The following ARFGEF2 variants were observed in gnomAD, a reference collection of about 807,000 sequenced individuals.
The protein encoded by ARFGEF2 is brefeldin A-inhibited guanine nucleotide-exchange protein 2.
In ARFGEF2, 74 loss-of-function variants were observed where a neutral mutation model predicts 219.9. That is an observed-to-expected ratio of 0.34 (90% confidence interval 0.28 to 0.41). The LOEUF (loss-of-function observed/expected upper bound fraction) is 0.41, where lower values mean the gene tolerates loss of function less well. Ranked by LOEUF, ARFGEF2 falls within the 10% of genes least tolerant of loss-of-function variation. The pLI is 1.00. For missense variants in ARFGEF2, 1,743 were observed against 2,218.3 expected (o/e 0.79, Z 4.30); for synonymous variants, 733 against 799.2 (o/e 0.92, Z 1.40).
chr20:48,963,643 T>G (rs938232627), intron 6 of ARFGEF2, among the ~76,000 whole-genome samples, 187 bp from the exon 7 acceptor site: 1 of 152,222 alleles, frequency 6.6e-6, no homozygotes, highest in African/African-American at 2.4e-5. Flanking sequence ...GCAGAACAGA[T>G]GCTGCCTAAG....
intron 34 of ARFGEF2, among the ~76,000 whole-genome samples, chr20:49,022,221 C>T (rs574363617): frequency 6.7e-6 from 1 of 150,258 alleles, no homozygotes; most frequent in Non-Finnish European, 1.5e-5. Flanking sequence ...GAATAAAAGA[C>T]CACTCTTAAG....
Position 49,018,897 on chromosome 20 carries a change from A to G in ARFGEF2, c.4523A>G (p.Asp1508Gly). ...GTTTACATTTAGGATGTGGATCTGG[A>G]CCGCCAGTCTTTAAGCAGCATAGAT... ...SSEKHLDVDL[D>G]RQSLSSIDKN... The change falls in exon 34 of 39, where the codon GAC becomes GGC. Residue 1508 changes from aspartate to glycine, a missense_variant. Asp to Gly is a moderately conservative substitution (Grantham distance 94, BLOSUM62 -1). Around this residue, in one of 5 missense-constraint regions of ARFGEF2, gnomAD observed 578 missense variants for 664.0 expected, o/e 0.87. Coordinates refer to ENST00000371917, the MANE Select transcript of ARFGEF2 (RefSeq NM_006420.3). 1 of 1,613,854 alleles carries G rather than the reference A, an allele frequency of 6.2e-7. No individual in the cohort carries two copies. The highest frequency in any genetic ancestry group is 2.2e-5 in the East Asian group (1 of 44,880).
At chr20:48,992,365 CTG>C (rs763479071) in intron 21 of ARFGEF2, among the ~76,000 whole-genome samples, 1 of 151,962 alleles carries the variant, frequency 6.6e-6, no homozygotes, top group Non-Finnish European at 1.5e-5. Flanking sequence ...AGAGAGAAAA[CTG>C]TGAAAGAATA....
chr20:49,033,882 A>G lies in ARFGEF2; in HGVS notation c.*683A>G, dbSNP rs569973767. 9.2e-5 allele frequency: 14 copies of G among 152,614 alleles called. No homozygotes were observed. In the East Asian group the frequency reaches 1.9e-3, roughly 21 times the overall value. 9.5% of individuals were successfully genotyped at this position (152,614 alleles called of 1,614,324 possible). A position where few individuals can be genotyped will look rare whatever the true frequency, so the allele number is the denominator to read the frequency against. ...GAGGTTAAAAAAATGTGCCTCGTGG[A>G]TCTCCCTGTTTTAGTAACATGGAGA... is the stretch of plus-strand genomic sequence containing the variant. On this transcript the variant is annotated 3_prime_UTR_variant, in exon 39 of 39. Coordinates refer to ENST00000371917, the MANE Select transcript of ARFGEF2 (RefSeq NM_006420.3).
rs535803345 is a variant in ARFGEF2 at position 48,957,513 on chromosome 20, G to A, written c.838+3723G>A. 3.1e-3 allele frequency among the ~76,000 whole-genome samples: 476 copies of A among 152,326 alleles called. 2 individuals are homozygous for A. The highest frequency in any genetic ancestry group is 0.011 in the African/African-American group (462 of 41,564). On this transcript the variant is annotated intron_variant, in intron 6 of 38. Transcript: ENST00000371917. ...AGGGTCTGGTGCCTAATCAGTAGTG[G>A]TGGTGATATCCCAGGGAAGAGCAGA...
intron 34 of ARFGEF2, among the ~76,000 whole-genome samples, chr20:49,019,911 A>C (rs1315912200): frequency 6.6e-6 from 1 of 152,102 alleles, no homozygotes; most frequent in East Asian, 1.9e-4. Context: ...TTTTTGCCAA[A>C]TTGTCTCTTA....
At chr20:48,988,189 A>T in intron 16 of ARFGEF2, 115 bp from the exon 17 acceptor site, 1 of 760,842 alleles carries the variant, frequency 1.3e-6, no homozygotes, top group South Asian at 1.5e-5. Flanking sequence ...CTCTTGCCTC[A>T]TTTGGAATCA....
chr20:48,982,785 C>T (rs1482492474), intron 14 of ARFGEF2, among the ~76,000 whole-genome samples: 2 of 152,268 alleles, frequency 1.3e-5, no homozygotes, highest in African/African-American at 2.4e-5. Flanking sequence ...GCTCCGTGGG[C>T]GTGGGACCTG....
chr20:48,994,671 TC>T (rs1402230414), intron 22 of ARFGEF2, 73 bp downstream of exon 22: 1 of 1,588,628 alleles, frequency 6.3e-7, no homozygotes, highest in African/African-American at 1.3e-5. Context: ...TCTTGTCTCA[TC>T]AGGACTGTCC....
At chr20:48,930,680 G>A (rs1299253374) in intron 1 of ARFGEF2, among the ~76,000 whole-genome samples, 1 of 152,150 alleles carries the variant, frequency 6.6e-6, no homozygotes, top group Non-Finnish European at 1.5e-5. Context: ...GTCTGCCTTT[G>A]AGCATTCAGT....
Position 49,013,548 on chromosome 20 carries a change from T to G in ARFGEF2, c.3919-16T>G. 2 of 1,614,086 alleles carry G rather than the reference T, an allele frequency of 1.2e-6. No individual in the cohort carries two copies. Among genetic ancestry groups the G allele is most frequent in the Non-Finnish European group, 1.7e-6 (2 of 1,179,968 alleles). On this transcript the variant is annotated splice_polypyrimidine_tract_variant and intron_variant, in intron 28 of 38. Coordinates refer to ENST00000371917, the MANE Select transcript of ARFGEF2 (RefSeq NM_006420.3). The stretch of plus-strand genomic sequence containing the variant: ...GCATGCTTAGTTTACACCTGAGATG[T>G]GATTTTTCATCCTAGGTGCTACAAG...
intron 1 of ARFGEF2, among the ~76,000 whole-genome samples, chr20:48,936,490 G>C (rs976502313): frequency 6.6e-6 from 1 of 150,838 alleles, no homozygotes; most frequent in Non-Finnish European, 1.5e-5. Flanking sequence ...CTCACTTCTC[G>C]GACGGGGCGG....
At position 48,963,820 on chromosome 20, in the gene ARFGEF2, G is replaced by A; in HGVS notation, c.839-10G>A. On this transcript the variant is annotated splice_polypyrimidine_tract_variant and intron_variant, in intron 6 of 38. Transcript: ENST00000371917. ...CCACGTGTGTTTTGTATATTTGGATGTGTGTGTAGGGACTGATGACGGAGC... is the reference window on the plus strand; with the variant it reads ...CCACGTGTGTTTTGTATATTTGGATATGTGTGTAGGGACTGATGACGGAGC... 7.4e-6 allele frequency: 12 copies of A among 1,613,116 alleles called. No homozygotes were observed. The highest frequency in any genetic ancestry group is 1.0e-5 in the Non-Finnish European group (12 of 1,179,148).
intron 9 of ARFGEF2, 60 bp downstream of exon 9, chr20:48,969,337 G>A: frequency 2.5e-6 from 4 of 1,613,016 alleles, no homozygotes; most frequent in Middle Eastern, 1.7e-4. Flanking sequence ...ACATGGTACT[G>A]TGTTTCACAC....
At chr20:48,922,637 C>G (rs564946577) in intron 1 of ARFGEF2, among the ~76,000 whole-genome samples, 26 of 152,226 alleles carry the variant, frequency 1.7e-4, no homozygotes, top group Non-Finnish European at 2.9e-4. Flanking sequence ...ATTGCTGTAT[C>G]CCTTGCGCTT....
At chr20:49,024,763 G>C (rs769803325) in intron 35 of ARFGEF2, among the ~76,000 whole-genome samples, 2 of 152,114 alleles carry the variant, frequency 1.3e-5, no homozygotes, top group Non-Finnish European at 2.9e-5. Flanking sequence ...ACTTTGGGAG[G>C]CCGAGGCAGG....
chr20:49,004,518 T>C (rs2091445039), intron 25 of ARFGEF2, among the ~76,000 whole-genome samples: 1 of 150,432 alleles, frequency 6.6e-6, no homozygotes, highest in Non-Finnish European at 1.5e-5. Flanking sequence ...AAGAAAAAAA[T>C]AGGTTGGGCG....
At chr20:48,941,436 T>C (rs574161432) in intron 2 of ARFGEF2, among the ~76,000 whole-genome samples, 29 of 152,338 alleles carry the variant, frequency 1.9e-4, no homozygotes, top group Middle Eastern at 3.4e-3. Flanking sequence ...AGTACTTGTA[T>C]ACTTGGAAGG....
intron 6 of ARFGEF2, among the ~76,000 whole-genome samples, chr20:48,962,211 A>G (rs1396578993): frequency 1.3e-5 from 2 of 152,310 alleles, no homozygotes; most frequent in East Asian, 3.9e-4. Context: ...ATAAATAACA[A>G]ACTAATAACA....
Sources: allele counts gnomAD v4.1 joint callset (sites outside exome capture counted in the v4.1 genomes callset), GRCh38; gene constraint gnomAD v4.1.1; regional missense constraint gnomAD v4.1.1; transcripts MANE v1.5; gene names NCBI Gene and HGNC (gene_info 2026-07-23, HGNC 2026-07-21).